Variants in MBD4 observed in about 807,000 individuals in gnomAD.
MBD4 encodes methyl-CpG-binding domain protein 4.
MBD4 carries 53 observed loss-of-function variants against 60.2 expected under a neutral mutation model. The ratio of observed to expected loss-of-function variants is 0.88; its 90% CI spans 0.71 to 1.11. The LOEUF (loss-of-function observed/expected upper bound fraction) is 1.11, where lower values mean the gene tolerates loss of function less well. Ranked by LOEUF, MBD4 falls within the 50% of genes least tolerant of loss-of-function variation. The probability of loss-of-function intolerance (pLI) is 0.00; values close to 1 mark genes in which losing one functional copy is unlikely to be tolerated. For missense variants in MBD4, 619 were observed against 674.0 expected (o/e 0.92, Z 0.90); for synonymous variants, 231 against 229.8 (o/e 1.01, Z -0.05).
At position 129,439,847 on chromosome 3, in the gene MBD4, G is replaced by C; in HGVS notation, c.-14C>G. ...AGTCGTGCCCATCGAGCAGGGTCCG[G>C]CTGCAGCAACGAGCCCAGCGCCGCA... On this transcript the variant is annotated 5_prime_UTR_variant, in exon 1 of 8. Coordinates refer to ENST00000429544, the MANE Select transcript of MBD4 (RefSeq NM_001276270.2). 1 of 1,592,564 alleles carries C rather than the reference G, an allele frequency of 6.3e-7. No individual in the cohort carries two copies. The highest frequency in any genetic ancestry group is 1.3e-5 in the African/African-American group (1 of 74,742).
At position 129,433,872 on chromosome 3, in the gene MBD4, A is replaced by G. The variant is rs761512828; in HGVS notation, c.1371T>C (p.Thr457=). 2.5e-6 allele frequency: 4 copies of G among 1,614,080 alleles called. No individual in the cohort carries two copies. Among genetic ancestry groups the G allele is most frequent in the African/African-American group, 2.7e-5 (2 of 74,944 alleles). The change falls in exon 5 of 8, where the codon ACT becomes ACC. Residue 457 remains threonine (T), a synonymous_variant. Transcript: ENST00000429544. ...AACCTGAGGTCCGATTGAGAAATAT[A>G]GTAGCGATGAGAAGCTTCCATGGAT... is the stretch of plus-strand genomic sequence containing the variant. The part of the protein sequence containing the change: ...FHDPWKLLIA[T]IFLNRTSGKM...
In MBD4 at chr3:129,433,179, C is replaced by T. The variant is rs368537488; in HGVS notation, c.1462G>A (p.Ala488Thr). ...KYPSAEVART[A>T]DWRDVSELLK... ...AGTTCTGACACATCTCTCCAGTCTG[C>T]GGTTCTTGCTACCTCAGCTGAAGGA... Residue 488 changes from alanine (A) to threonine (T), a missense_variant, in exon 6 of 8, where the codon GCA becomes ACA. Transcript: ENST00000429544. 4.2e-5 allele frequency: 68 copies of T among 1,614,034 alleles called. No homozygotes were observed. The highest frequency in any genetic ancestry group is 1.1e-4 in the African/African-American group (8 of 74,930).
In MBD4 at chr3:129,437,243, G is replaced by A; in HGVS notation, c.401C>T (p.Thr134Ile). The part of the protein sequence containing the change: ...LANYLHKNGE[T>I]SLKPEDFDFT... ...ATCAAAATCTTCTGGCTTAAGAGAAGTCTCTCCATTTTTGTGAAGATAATT... is the reference window on the plus strand; with the variant it reads ...ATCAAAATCTTCTGGCTTAAGAGAAATCTCTCCATTTTTGTGAAGATAATT... Residue 134 changes from threonine to isoleucine, a missense_variant, in exon 3 of 8, where the codon ACT (threonine) becomes ATT (isoleucine). Physicochemically the swap from Thr to Ile is moderately conservative, Grantham distance 89 (BLOSUM62 -1). Coordinates refer to ENST00000429544, the MANE Select transcript of MBD4 (RefSeq NM_001276270.2). The A allele has an allele frequency of 6.2e-7, 1 of 1,612,222 alleles. No individual in the cohort carries two copies. Among genetic ancestry groups the A allele is most frequent in the Non-Finnish European group, 8.5e-7 (1 of 1,179,350 alleles).
At position 129,438,534 on chromosome 3, in the gene MBD4, G is replaced by C. The variant is rs1163086271; in HGVS notation, c.105-584C>G. Among the ~76,000 whole-genome samples the C allele has an allele frequency of 2.0e-5, 3 of 152,144 alleles. No homozygotes were observed. In the East Asian group the frequency reaches 5.8e-4, roughly 29 times the overall value. Reference sequence around the variant, plus strand: ...AATTTATTGATAAAATTGAGTGACAGGTTAAATTACTTGCAGAACAGACAC... The same window carrying C: ...AATTTATTGATAAAATTGAGTGACACGTTAAATTACTTGCAGAACAGACAC... On this transcript the variant is annotated intron_variant, in intron 1 of 7. Coordinates refer to ENST00000429544, the MANE Select transcript of MBD4 (RefSeq NM_001276270.2).
intron 1 of MBD4, among the ~76,000 whole-genome samples, chr3:129,438,796 T>TA (rs1284731131): frequency 6.7e-6 from 1 of 149,646 alleles, no homozygotes; most frequent in Non-Finnish European, 1.5e-5. Context: ...CAACCGGGCG[T>TA]GGTGGAGCAT....
At chr3:129,438,471 C>T (rs868528361) in intron 1 of MBD4, among the ~76,000 whole-genome samples, 9 of 152,068 alleles carry the variant, frequency 5.9e-5, no homozygotes, top group African/African-American at 1.9e-4. Context: ...ATTCTTGATC[C>T]TCATGGTAAC....
At chr3:129,438,013 T>C in intron 1 of MBD4, 63 bp from the exon 2 acceptor site, 3 of 983,140 alleles carry the variant, frequency 3.1e-6, no homozygotes, top group Non-Finnish European at 4.9e-6. Context: ...CCTACTCAGT[T>C]TTAATCCATG....
chr3:129,436,885 G>C lies in MBD4; in HGVS notation c.759C>G (p.Ser253Arg). 1 of 1,614,066 alleles carries C rather than the reference G, an allele frequency of 6.2e-7. No homozygotes were observed. Among genetic ancestry groups the C allele is most frequent in the Non-Finnish European group, 8.5e-7 (1 of 1,179,988 alleles). ...TATCACTTTGAACAAAACCTGAACA[G>C]CTCTTCCTACATCCTTTTTTAGTTT... ...IKKTKKGCRK[S>R]CSGFVQSDSK... is the part of the protein sequence containing the mutation. Residue 253 changes from serine to arginine, a missense_variant, in exon 3 of 8, where the codon AGC becomes AGG. By Grantham distance (110) the Ser-to-Arg change is moderately radical. Transcript: ENST00000429544.
intron 4 of MBD4, 33 bp downstream of exon 4, chr3:129,434,029 T>C (rs774202047): frequency 6.2e-7 from 1 of 1,614,138 alleles, no homozygotes; most frequent in Non-Finnish European, 8.5e-7. Flanking sequence ...AAAATGGAAT[T>C]AGAATTTGCT....
intron 3 of MBD4, among the ~76,000 whole-genome samples, chr3:129,435,634 G>C (rs1166068633): frequency 6.6e-6 from 1 of 152,148 alleles, no homozygotes; most frequent in South Asian, 2.1e-4. Flanking sequence ...CTGGGAACAA[G>C]AATCAAACCT....
In MBD4 at chr3:129,439,794, G is replaced by T. The variant is rs779533417; in HGVS notation, c.40C>A (p.Arg14Ser). Residue 14 changes from arginine (R) to serine (S), a missense_variant, in exon 1 of 8, where the codon CGC becomes AGC. Physicochemically the swap from Arg to Ser is moderately radical, Grantham distance 110. Coordinates refer to ENST00000429544, the MANE Select transcript of MBD4 (RefSeq NM_001276270.2). ...TGLESLSLGDRGAAPTVTSSE... is the reference protein window; with the variant it reads ...TGLESLSLGDSGAAPTVTSSE... The stretch of plus-strand genomic sequence containing the variant: ...GAGGTGACGGTGGGGGCAGCTCCGC[G>T]GTCCCCCAGACTCAGACTCTCCAGC... 1.2e-6 allele frequency: 2 copies of T among 1,610,306 alleles called. No individual in the cohort carries two copies. Among genetic ancestry groups the T allele is most frequent in the Non-Finnish European group, 1.7e-6 (2 of 1,178,838 alleles).
At chr3:129,434,201 C>A in intron 3 of MBD4, 65 bp from the exon 4 acceptor site, 1 of 1,220,886 alleles carries the variant, frequency 8.2e-7, no homozygotes, top group Non-Finnish European at 1.2e-6. Flanking sequence ...TTGAGGGATG[C>A]AAATAATAAT....
intron 1 of MBD4, 81 bp downstream of exon 1, chr3:129,439,649 G>A (rs2072680599): frequency 9.6e-6 from 9 of 932,864 alleles, no homozygotes; most frequent in Admixed American, 8.0e-5. Context: ...TCAAAGGTTA[G>A]AAAGGCCCAC....
chr3:129,436,614 G>C lies in MBD4; in HGVS notation c.1030C>G (p.His344Asp), dbSNP rs1237632410. ...AAGGTATCCTCATACTTCTCGTTGT[G>C]TTCTGAGTCTTTGGCTGAACAAAAT... ...NKFCSAKDSEHNEKYEDTFLE... is the reference protein window; with the variant it reads ...NKFCSAKDSEDNEKYEDTFLE... Residue 344 changes from histidine to aspartate, a missense_variant, in exon 3 of 8, where the codon CAC becomes GAC. Transcript: ENST00000429544. The C allele has an allele frequency of 6.2e-7, 1 of 1,614,084 alleles. No homozygotes were observed. Among genetic ancestry groups the C allele is most frequent in the East Asian group, 2.2e-5 (1 of 44,866 alleles).
At position 129,433,899 on chromosome 3, in the gene MBD4, A is replaced by G. The variant is rs1054351182; in HGVS notation, c.1344T>C (p.His448=). ...PFNLVQETLF[H]DPWKLLIATI... ...TAGCGATGAGAAGCTTCCATGGATC[A>G]TGAAAAAGTGTTTCTTGAACGAGAT... The change falls in exon 5 of 8, where the codon CAT becomes CAC. Residue 448 remains histidine, a synonymous_variant. Transcript: ENST00000429544. The G allele has an allele frequency of 6.2e-7, 1 of 1,614,190 alleles. No homozygotes were observed. The highest frequency in any genetic ancestry group is 2.2e-5 in the East Asian group (1 of 44,882).
chr3:129,438,708 C>A (rs1265102940), intron 1 of MBD4, among the ~76,000 whole-genome samples: 3 of 151,144 alleles, frequency 2.0e-5, no homozygotes, highest in African/African-American at 7.4e-5. Flanking sequence ...GAGTTTGAGA[C>A]CAGCCTGGAG....
In MBD4 at chr3:129,433,194, C is replaced by T. The variant is rs772389783; in HGVS notation, c.1447G>A (p.Glu483Lys). 2.5e-6 allele frequency: 4 copies of T among 1,614,104 alleles called. No individual in the cohort carries two copies. Among genetic ancestry groups the T allele is most frequent in the East Asian group, 2.2e-5 (1 of 44,902 alleles). ...WKFLEKYPSA[E>K]VARTADWRDV... ...CTCCAGTCTGCGGTTCTTGCTACCT[C>T]AGCTGAAGGATACTTCTCCAGAAAC... Residue 483 changes from glutamate to lysine, a missense_variant, in exon 6 of 8, where the codon GAG becomes AAG. Transcript: ENST00000429544.
chr3:129,435,548 C>T (rs1369819554), intron 3 of MBD4, among the ~76,000 whole-genome samples: 3 of 152,164 alleles, frequency 2.0e-5, no homozygotes, highest in Non-Finnish European at 4.4e-5. Flanking sequence ...TATGCAGTTC[C>T]TAGGTATATA....
Position 129,431,177 on chromosome 3 carries a change from G to T in MBD4, c.*324C>A. The T allele has an allele frequency of 3.5e-6, 1 of 284,926 alleles. No individual in the cohort carries two copies. Among genetic ancestry groups the T allele is most frequent in the Non-Finnish European group, 6.8e-6 (1 of 148,148 alleles). The allele number at this position is 284,926 out of a possible 1,614,324, so 17.6% of individuals were successfully genotyped here. ...AATATTTAGTGGGCCCCTAGCTTTA[G>T]CAAGGCTGATAGAAATTTGCTTTGT... On this transcript the variant is annotated 3_prime_UTR_variant, in exon 8 of 8. Transcript: ENST00000429544.
Sources: gnomAD v4.1 joint callset for allele counts (sites outside exome capture counted in the v4.1 genomes callset) on GRCh38, gnomAD v4.1.1 for gene constraint, MANE v1.5 for transcripts, NCBI Gene and HGNC (gene_info 2026-07-23, HGNC 2026-07-21) for gene names.